The following ASPRV1 variants were observed in gnomAD, a reference collection of about 807,000 sequenced individuals.
The protein encoded by ASPRV1 is aspartic peptidase retroviral like 1, also known as retroviral-like aspartic protease 1.
ASPRV1 carries 7 observed loss-of-function variants against 11.0 expected under a neutral mutation model. That is an observed-to-expected ratio of 0.64 (90% CI 0.36 to 1.20). The LOEUF is 1.20. ASPRV1 is among the 50% of genes most tolerant of loss of function. The pLI is 0.02. For missense variants in ASPRV1, 299 were observed against 320.0 expected, an observed-to-expected ratio of 0.93 and a Z score of 0.50; for synonymous variants, 136 against 138.4, an observed-to-expected ratio of 0.98 and a Z score of 0.12.
chr2:70,004,082 G>A, the ASPRV1 span, among the ~76,000 whole-genome samples: 2 of 152,152 alleles, frequency 1.3e-5, no homozygotes, highest in Admixed American at 6.5e-5. Flanking sequence ...ACTGGCTTAC[G>A]GGAGAGCCAT....
chr2:69,960,793 T>G lies in ASPRV1; in HGVS notation c.644A>C (p.Glu215Ala), dbSNP rs139809917. Residue 215 changes from glutamate (E) to alanine (A), a missense_variant, in exon 1 of 1, where the codon GAG (glutamate) becomes GCG (alanine). By Grantham distance (107) the Glu-to-Ala change is moderately radical. Coordinates refer to ENST00000320256, the MANE Select transcript of ASPRV1 (RefSeq NM_152792.4). ...CCCTTTCAGGGTGCATGTGCGGTGC[T>G]CAAAGTCCAGGATAGCATTGTGGTC... ...LQDHNAILDF[E>A]HRTCTLKGKK... is the part of the protein sequence containing the mutation. 2.5e-6 allele frequency: 4 copies of G among 1,613,926 alleles called. No homozygotes were observed. The African/African-American group carries it at 5.3e-5, about 22-fold the overall frequency.
At chr2:70,044,589 G>T in the ASPRV1 span, among the ~76,000 whole-genome samples, 7 of 152,160 alleles carry the variant, frequency 4.6e-5, no homozygotes, top group Non-Finnish European at 1.0e-4. Context: ...CCTCCCAAGT[G>T]GCTGGGATCA....
chr2:70,046,644 T>G, the ASPRV1 span: 2 of 152,026 alleles, frequency 1.3e-5, no homozygotes, highest in Admixed American at 6.6e-5. Context: ...CAGGCTGGGG[T>G]CTGAGAAGCC....
chr2:70,066,771 G>A, the ASPRV1 span, among the ~76,000 whole-genome samples: 5 of 151,606 alleles, frequency 3.3e-5, no homozygotes, highest in Non-Finnish European at 7.4e-5. Flanking sequence ...TGGCTAATTT[G>A]TTATTTTTTG....
At chr2:70,013,560 T>C in the ASPRV1 span, among the ~76,000 whole-genome samples, 4 of 152,176 alleles carry the variant, frequency 2.6e-5, no homozygotes, top group African/African-American at 9.7e-5. Context: ...ATTATCTACA[T>C]TTTTTTGTTG....
At chr2:69,946,985 A>C in the ASPRV1 span, among the ~76,000 whole-genome samples, 2 of 152,212 alleles carry the variant, frequency 1.3e-5, no homozygotes, top group African/African-American at 4.8e-5. Flanking sequence ...ATATGTTGCA[A>C]GTATCTCATC....
chr2:69,961,906 T>A, upstream of ASPRV1: 2 of 479,570 alleles, frequency 4.2e-6, no homozygotes, highest in Non-Finnish European at 7.6e-6. Context: ...GAGGATGTGA[T>A]GACATTCAGG....
At chr2:70,026,365 G>C in the ASPRV1 span, among the ~76,000 whole-genome samples, 2 of 149,454 alleles carry the variant, frequency 1.3e-5, no homozygotes, top group African/African-American at 4.9e-5. Flanking sequence ...GTCCTAGCCA[G>C]AGCAATCAGA....
At chr2:69,997,045 G>A in the ASPRV1 span, among the ~76,000 whole-genome samples, 3 of 152,298 alleles carry the variant, frequency 2.0e-5, no homozygotes, top group East Asian at 5.8e-4. Context: ...AAGGAGGCTG[G>A]GTGTGGGGCT....
chr2:69,984,803 G>A, the ASPRV1 span, among the ~76,000 whole-genome samples: 1 of 150,386 alleles, frequency 6.6e-6, no homozygotes, highest in South Asian at 2.1e-4. Flanking sequence ...ATCTTTAGTA[G>A]AGACGGGTTT....
the ASPRV1 span, among the ~76,000 whole-genome samples, chr2:69,980,789 T>C: frequency 6.6e-6 from 1 of 152,210 alleles, no homozygotes; most frequent in African/African-American, 2.4e-5. Context: ...TACTTATTTA[T>C]TTTGAGACAG....
the ASPRV1 span, among the ~76,000 whole-genome samples, chr2:70,053,036 C>T: frequency 6.6e-6 from 1 of 152,168 alleles, no homozygotes; most frequent in Non-Finnish European, 1.5e-5. Flanking sequence ...CATGCCTGTA[C>T]TCATAAGCTA....
chr2:70,027,613 G>A, the ASPRV1 span, among the ~76,000 whole-genome samples: 2 of 152,128 alleles, frequency 1.3e-5, no homozygotes, highest in Non-Finnish European at 2.9e-5. Flanking sequence ...AGGCCATTAT[G>A]TTAACTGAAA....
the ASPRV1 span, chr2:69,993,463 G>C: frequency 6.6e-6 from 1 of 152,234 alleles, no homozygotes; most frequent in South Asian, 2.1e-4. Context: ...TCAGCTGTGA[G>C]GCCAACTAGG....
chr2:69,943,572 G>A, the ASPRV1 span, among the ~76,000 whole-genome samples: 3 of 152,244 alleles, frequency 2.0e-5, no homozygotes, highest in African/African-American at 7.2e-5. Flanking sequence ...AACTCACTGA[G>A]AGGAGAGAGG....
chr2:69,936,088 G>A, the ASPRV1 span, among the ~76,000 whole-genome samples: 1 of 151,892 alleles, frequency 6.6e-6, no homozygotes. Context: ...CTTTGTCAAT[G>A]CTCTTCCCTC....
chr2:69,992,675 C>T, the ASPRV1 span, among the ~76,000 whole-genome samples: 5 of 152,210 alleles, frequency 3.3e-5, no homozygotes, highest in Non-Finnish European at 7.3e-5. Context: ...ACTCCATTCT[C>T]GCCTTGGGGA....
At chr2:70,053,429 T>G in the ASPRV1 span, among the ~76,000 whole-genome samples, 1 of 152,052 alleles carries the variant, frequency 6.6e-6, no homozygotes, top group Non-Finnish European at 1.5e-5. Flanking sequence ...TTCAAAACAT[T>G]TCTCACATAC....
chr2:70,083,274 C>T, the ASPRV1 span, among the ~76,000 whole-genome samples: 1 of 152,224 alleles, frequency 6.6e-6, no homozygotes, highest in African/African-American at 2.4e-5. Context: ...TTCTAACAGG[C>T]TGTGTAACGT....
Sources: allele counts gnomAD v4.1 joint callset (sites outside exome capture counted in the v4.1 genomes callset), GRCh38; gene constraint gnomAD v4.1.1; transcripts MANE v1.5; gene names NCBI Gene and HGNC (gene_info 2026-07-23, HGNC 2026-07-21).